DLGAP2: variants seen among roughly 807,000 people sequenced by gnomAD.
The protein encoded by DLGAP2 is DLG associated protein 2, also known as disks large-associated protein 2.
DLGAP2 carries 26 observed loss-of-function variants against 100.3 expected under a neutral mutation model. The observed-to-expected ratio is 0.26, with a 90% CI of 0.19 to 0.36. The LOEUF (loss-of-function observed/expected upper bound fraction) is 0.36, where lower values mean the gene tolerates loss of function less well. DLGAP2 is among the 10% of genes least tolerant of loss of function. The pLI, the probability that DLGAP2 is intolerant of heterozygous loss-of-function variation, is 1.00. For missense variants in DLGAP2, 1,858 were observed against 1,453.2 expected (o/e 1.28, Z -4.53); for synonymous variants, 886 against 630.1 (o/e 1.41, Z -6.08).
chr8:1,125,942 C>T (rs962968543), intron 2 of DLGAP2, among the ~76,000 whole-genome samples: 2 of 152,284 alleles, frequency 1.3e-5, no homozygotes, highest in South Asian at 4.1e-4. Context: ...ATTGAGAATC[C>T]CTGGCGCCCC....
intron 4 of DLGAP2, among the ~76,000 whole-genome samples, chr8:1,542,229 T>TTATTTTATTCGAGCTTTA (rs1801386258): frequency 6.6e-6 from 1 of 152,224 alleles, no homozygotes; most frequent in African/African-American, 2.4e-5. Flanking sequence ...ATGCGTGTAT[T>TTATTTTATTCGAGCTTTA]TATTTTATTC....
At chr8:964,305 C>T (rs1048079328) in intron 2 of DLGAP2, among the ~76,000 whole-genome samples, 3 of 152,144 alleles carry the variant, frequency 2.0e-5, no homozygotes, top group Non-Finnish European at 1.5e-5. Context: ...GGGCTATTCC[C>T]GCATGTTTTT....
intron 3 of DLGAP2, among the ~76,000 whole-genome samples, chr8:1,493,492 T>C (rs1039461847): frequency 2.6e-5 from 4 of 152,150 alleles, no homozygotes; most frequent in African/African-American, 9.7e-5. Flanking sequence ...AGCAACGGAA[T>C]GGGACAGTTA....
rs760039392 is a variant in DLGAP2 at position 963,601 on chromosome 8, A to T, written c.73+55635A>T. ...ATAATCACATTAATTTTATCATCTT[A>T]ATTGGAACTTTACAAAAAGGAAATT... On this transcript the variant is annotated intron_variant, in intron 2 of 14. Transcript: ENST00000637795. 3.1e-4 allele frequency among the ~76,000 whole-genome samples: 47 copies of T among 152,224 alleles called. 2 individuals are homozygous for T. Among genetic ancestry groups the T allele is most frequent in the Non-Finnish European group, 3.7e-4 (25 of 68,048 alleles).
chr8:1,370,420 T>A (rs1475362669), intron 3 of DLGAP2, among the ~76,000 whole-genome samples: 1 of 152,208 alleles, frequency 6.6e-6, no homozygotes, highest in Non-Finnish European at 1.5e-5. Flanking sequence ...TTACCATTCA[T>A]GCTTTCAAAA....
At chr8:1,012,363 G>A (rs971582540) in intron 2 of DLGAP2, among the ~76,000 whole-genome samples, 1 of 152,242 alleles carries the variant, frequency 6.6e-6, no homozygotes, top group African/African-American at 2.4e-5. Context: ...ATACTGTACT[G>A]TGATAGAAAG....
chr8:778,733 G>A (rs1345989822), intron 1 of DLGAP2, among the ~76,000 whole-genome samples: 1 of 152,208 alleles, frequency 6.6e-6, no homozygotes, highest in Non-Finnish European at 1.5e-5. Flanking sequence ...GAGAACCACT[G>A]CTCTCTTCAA....
intron 3 of DLGAP2, among the ~76,000 whole-genome samples, chr8:1,266,725 G>C (rs1379457556): frequency 6.6e-6 from 1 of 152,080 alleles, no homozygotes; most frequent in Non-Finnish European, 1.5e-5. Context: ...GAGGGGGGAG[G>C]GGAGTGTTGA....
chr8:1,167,897 A>C (rs918023193), intron 2 of DLGAP2, among the ~76,000 whole-genome samples: 6 of 151,220 alleles, frequency 4.0e-5, no homozygotes, highest in African/African-American at 1.5e-4. Context: ...TTTTTTTATT[A>C]TACTTTAAGT....
chr8:1,629,614 G>A (rs1259407745), intron 7 of DLGAP2, among the ~76,000 whole-genome samples: 2 of 152,214 alleles, frequency 1.3e-5, no homozygotes, highest in Non-Finnish European at 2.9e-5. Context: ...ACAGAGATGA[G>A]GATACAGCAG....
chr8:1,693,808 G>T (rs1017503097), intron 13 of DLGAP2, among the ~76,000 whole-genome samples: 1 of 152,196 alleles, frequency 6.6e-6, no homozygotes, highest in Non-Finnish European at 1.5e-5. Context: ...AAATAGAAAG[G>T]TTTTGAGTGC....
chr8:851,685 G>A (rs1797184811), intron 1 of DLGAP2, among the ~76,000 whole-genome samples: 2 of 152,158 alleles, frequency 1.3e-5, no homozygotes, highest in South Asian at 4.1e-4. Context: ...GTGCCAGAAA[G>A]CATGCAGTTT....
At position 1,702,847 on chromosome 8, in the gene DLGAP2, T is replaced by A. The variant is rs1167556706; in HGVS notation, c.*1441T>A. ...ATTATTACTCAAAGTAAAAGCGGAC[T>A]GCGATTTAAGATGTTTCCACCCCAA... On this transcript the variant is annotated 3_prime_UTR_variant, in exon 15 of 15. Coordinates refer to ENST00000637795, the MANE Select transcript of DLGAP2 (RefSeq NM_001346810.2). 6.6e-6 allele frequency: 1 copy of A among 152,670 alleles called. No individual in the cohort carries two copies. The highest frequency in any genetic ancestry group is 2.4e-5 in the African/African-American group (1 of 41,462). 9.5% of individuals were successfully genotyped at this position (152,670 alleles called of 1,614,324 possible).
At chr8:1,195,582 T>A (rs577966578) in intron 2 of DLGAP2, among the ~76,000 whole-genome samples, 4 of 152,228 alleles carry the variant, frequency 2.6e-5, no homozygotes, top group African/African-American at 4.8e-5. Context: ...AACATATAAT[T>A]CTTAATTCAC....
chr8:880,480 G>A (rs570512873), intron 1 of DLGAP2, among the ~76,000 whole-genome samples: 10 of 152,146 alleles, frequency 6.6e-5, no homozygotes, highest in African/African-American at 1.4e-4. Flanking sequence ...CATGGCATCC[G>A]TGCTGGGGAG....
At chr8:1,636,585 T>C (rs6982595) in intron 8 of DLGAP2, among the ~76,000 whole-genome samples, 54,793 of 152,142 alleles carry the variant, frequency 0.36, 13,174 homozygotes, top group African/African-American at 0.69. Flanking sequence ...TATGACTATG[T>C]ATTTGATTCT....
chr8:1,562,272 T>TG (rs1190252384), intron 5 of DLGAP2, among the ~76,000 whole-genome samples: 6 of 18,852 alleles, frequency 3.2e-4, no homozygotes, highest in African/African-American at 9.4e-4. Context: ...TGTGTGGTGT[T>TG]GGGTGTCGGC....
chr8:952,833 G>T (rs1044433063), intron 2 of DLGAP2, among the ~76,000 whole-genome samples: 2 of 152,076 alleles, frequency 1.3e-5, no homozygotes, highest in African/African-American at 4.8e-5. Context: ...TTGCATCTTT[G>T]ATGTGACATG....
chr8:965,612 GGCCCCGCACTGCACACGGCACTGTTC>G (rs1563117960), intron 2 of DLGAP2, among the ~76,000 whole-genome samples: 22 of 122,440 alleles, frequency 1.8e-4, no homozygotes, highest in African/African-American at 7.4e-4. Flanking sequence ...TCCTGAGTCT[GGCCCCGCACTGCACACGGCACTGTTC>G]ACCACACAGG....
Sources: gnomAD v4.1 joint callset for allele counts (sites outside exome capture counted in the v4.1 genomes callset) on GRCh38, gnomAD v4.1.1 for gene constraint, MANE v1.5 for transcripts, NCBI Gene and HGNC (gene_info 2026-07-23, HGNC 2026-07-21) for gene names.